The following HS6ST2 variants were observed in gnomAD, a reference collection of about 807,000 sequenced individuals.
HS6ST2 encodes the protein heparan sulfate 6-O-sulfotransferase 2, also known as heparan-sulfate 6-O-sulfotransferase 2.
A neutral mutation model predicts 33.0 loss-of-function variants in HS6ST2; 17 were observed. The ratio of observed to expected loss-of-function variants is 0.52; its 90% CI spans 0.35 to 0.77. The LOEUF is 0.77. Among genes scored for constraint, HS6ST2 ranks in the 30% least tolerant of loss-of-function variants. The pLI is 0.01. For missense variants in HS6ST2, 519 were observed against 551.7 expected, an observed-to-expected ratio of 0.94 and a Z score of 0.59; for synonymous variants, 248 against 237.1, an observed-to-expected ratio of 1.05 and a Z score of -0.42.
At chrX:132,885,072 C>G in intron 2 of HS6ST2, among the ~76,000 whole-genome samples, 1 of 112,065 alleles carries the variant, frequency 8.9e-6, no homozygotes, top group East Asian at 2.8e-4. Flanking sequence ...TTCATAGCAG[C>G]ATTATCCACA....
At chrX:132,857,490 A>T (rs886711342) in intron 2 of HS6ST2, among the ~76,000 whole-genome samples, 1 of 110,389 alleles carries the variant, frequency 9.1e-6, no homozygotes, top group Non-Finnish European at 1.9e-5. Flanking sequence ...TCTCAAAAAA[A>T]AAAAGAAAAA....
intron 2 of HS6ST2, among the ~76,000 whole-genome samples, chrX:132,828,735 CACAT>C (rs1287940736): frequency 2.4e-4 from 22 of 89,970 alleles, no homozygotes; most frequent in East Asian, 6.6e-4. Flanking sequence ...CACACACACA[CACAT>C]ACACACACAA....
intron 2 of HS6ST2, among the ~76,000 whole-genome samples, chrX:132,919,655 A>G (rs1359118473): frequency 8.9e-6 from 1 of 111,953 alleles, no homozygotes; most frequent in Admixed American, 9.5e-5. Context: ...TTCAAGTCAA[A>G]TGCACTTCAT....
chrX:132,777,598 A>ATT (rs34555257), intron 2 of HS6ST2, among the ~76,000 whole-genome samples: 32 of 80,019 alleles, frequency 4.0e-4, no homozygotes, highest in Admixed American at 1.5e-3. Flanking sequence ...CACCCGGCTA[A>ATT]TTTTTTTTTT....
chrX:132,925,175 C>G (rs1293133581), intron 2 of HS6ST2, among the ~76,000 whole-genome samples: 1 of 111,812 alleles, frequency 8.9e-6, no homozygotes, highest in Non-Finnish European at 1.9e-5. Flanking sequence ...CCCAAAAAGA[C>G]AGGGTTTAGA....
chrX:132,750,416 C>G (rs1004510466), intron 2 of HS6ST2, among the ~76,000 whole-genome samples: 1 of 108,969 alleles, frequency 9.2e-6, no homozygotes, highest in Non-Finnish European at 1.9e-5. Context: ...CAGTATCACA[C>G]CAACAGGAAA....
chrX:132,904,574 C>T (rs2066454371), intron 2 of HS6ST2, among the ~76,000 whole-genome samples: 1 of 105,473 alleles, frequency 9.5e-6, no homozygotes, highest in Non-Finnish European at 1.9e-5. Flanking sequence ...GAGACAGGGT[C>T]TCACTCTCGC....
chrX:132,634,415 C>A (rs1266729118), intron 4 of HS6ST2, among the ~76,000 whole-genome samples: 1 of 112,280 alleles, frequency 8.9e-6, no homozygotes, highest in African/African-American at 3.2e-5. Context: ...CCAAATGTAT[C>A]ACCTAATTAA....
chrX:132,946,381 T>C (rs1204225643), intron 2 of HS6ST2, among the ~76,000 whole-genome samples: 1 of 112,211 alleles, frequency 8.9e-6, no homozygotes, highest in Non-Finnish European at 1.9e-5. Context: ...ATGTCCATCA[T>C]TGATAGACTG....
chrX:132,806,291 C>G (rs1352743372), intron 2 of HS6ST2, among the ~76,000 whole-genome samples: 1 of 110,366 alleles, frequency 9.1e-6, no homozygotes, highest in Non-Finnish European at 1.9e-5. Flanking sequence ...AAAGTGAGTC[C>G]TTAGCTAAAA....
At chrX:132,800,017 G>C (rs1017428772) in intron 2 of HS6ST2, among the ~76,000 whole-genome samples, 1 of 112,089 alleles carries the variant, frequency 8.9e-6, no homozygotes, top group African/African-American at 3.2e-5. Context: ...TGCAAGGAAG[G>C]ACCGATTCTC....
intron 2 of HS6ST2, among the ~76,000 whole-genome samples, chrX:132,715,240 A>G (rs1045961229): frequency 1.8e-5 from 2 of 110,878 alleles, no homozygotes; most frequent in Non-Finnish European, 3.8e-5. Context: ...TTCAAGACCA[A>G]CCTGGATAAC....
chrX:132,836,554 C>T (rs940244725), intron 2 of HS6ST2, among the ~76,000 whole-genome samples: 1 of 112,466 alleles, frequency 8.9e-6, no homozygotes, highest in Non-Finnish European at 1.9e-5. Context: ...CAACAGCTCT[C>T]CTCTCCTCTC....
intron 2 of HS6ST2, among the ~76,000 whole-genome samples, chrX:132,823,979 C>T (rs2148380253): frequency 9.1e-6 from 1 of 109,552 alleles, no homozygotes; most frequent in South Asian, 4.0e-4. Context: ...GTTATATATA[C>T]CACATTTTCT....
chrX:132,707,770 C>T (rs1228738586), intron 3 of HS6ST2, among the ~76,000 whole-genome samples: 1 of 111,763 alleles, frequency 8.9e-6, no homozygotes, highest in African/African-American at 3.2e-5. Context: ...TCTTGCTAGA[C>T]TCTCCGGTTC....
At chrX:132,763,595 G>T (rs2064821349) in intron 2 of HS6ST2, among the ~76,000 whole-genome samples, 1 of 111,956 alleles carries the variant, frequency 8.9e-6, no homozygotes, top group Admixed American at 9.5e-5. Context: ...CATTTTTAAA[G>T]GTTCTTTTCA....
chrX:132,708,353 C>A, intron 3 of HS6ST2, 109 bp downstream of exon 3: 2 of 251,705 alleles, frequency 7.9e-6, no homozygotes. Flanking sequence ...TTGTCCAAGC[C>A]AAAAACTTAA....
At chrX:132,723,088 A>G (rs1296862660) in intron 2 of HS6ST2, among the ~76,000 whole-genome samples, 2 of 111,594 alleles carry the variant, frequency 1.8e-5, no homozygotes, top group East Asian at 5.6e-4. Flanking sequence ...AGAAATGGAC[A>G]AATTCCTAGA....
At chrX:132,897,423 C>T (rs912382219) in intron 2 of HS6ST2, among the ~76,000 whole-genome samples, 2 of 111,022 alleles carry the variant, frequency 1.8e-5, no homozygotes, top group African/African-American at 3.3e-5. Flanking sequence ...CCTAGCTCAG[C>T]CAATCACTAA....
Sources: allele counts gnomAD v4.1 joint callset (sites outside exome capture counted in the v4.1 genomes callset), GRCh38; gene constraint gnomAD v4.1.1; transcripts MANE v1.5; gene names NCBI Gene and HGNC (gene_info 2026-07-23, HGNC 2026-07-21).